Variants in HYKK observed in about 807,000 individuals in gnomAD.
HYKK encodes 5-hydroxy-L-lysine kinase.
HYKK carries 19 observed loss-of-function variants against 29.7 expected under a neutral mutation model. That is an observed-to-expected ratio of 0.64 (90% CI 0.45 to 0.94). The LOEUF (loss-of-function observed/expected upper bound fraction) is 0.94. Among genes scored for constraint, HYKK ranks in the 40% least tolerant of loss-of-function variants. The pLI is 0.00. For missense variants in HYKK, 390 were observed against 443.4 expected (o/e 0.88, Z 1.08); for synonymous variants, 152 against 158.1 (o/e 0.96, Z 0.29).
At chr15:78,533,091 G>A (rs1335785131) in intron 4 of HYKK, 119 bp from the exon 5 acceptor site, 2 of 643,296 alleles carry the variant, frequency 3.1e-6, no homozygotes, top group Non-Finnish European at 5.4e-6. Flanking sequence ...AGAAAAATAG[G>A]GCCTGGCCCT....
At chr15:78,509,960 A>G (rs2052054968) in intron 1 of HYKK, among the ~76,000 whole-genome samples, 1 of 152,188 alleles carries the variant, frequency 6.6e-6, no homozygotes, top group Middle Eastern at 3.2e-3. Flanking sequence ...CAAGCTATGC[A>G]AGTTAAGAGG....
intron 4 of HYKK, 98 bp downstream of exon 4, chr15:78,527,661 C>G (rs1478132957): frequency 6.7e-7 from 1 of 1,491,988 alleles, no homozygotes; most frequent in Non-Finnish European, 8.9e-7. Flanking sequence ...TTTATCAAAT[C>G]TTAAAATTTT....
intron 4 of HYKK, among the ~76,000 whole-genome samples, chr15:78,530,200 A>AT (rs60803012): frequency 1.2e-3 from 156 of 135,264 alleles, no homozygotes; most frequent in African/African-American, 4.1e-3. Context: ...TTATTTATTT[A>AT]TTTTTTTTTT....
chr15:78,527,816 A>C, intron 4 of HYKK: 1 of 1,014,610 alleles, frequency 9.9e-7, no homozygotes, highest in Non-Finnish European at 1.2e-6. Context: ...TGATTTATAA[A>C]TTATTTATAG....
chr15:78,507,740 G>A (rs1435737645), intron 1 of HYKK, 69 bp downstream of exon 1: 2 of 152,336 alleles, frequency 1.3e-5, no homozygotes, highest in Non-Finnish European at 2.9e-5. Flanking sequence ...TCGCCCCCGA[G>A]GGCAGGGAGG....
intron 3 of HYKK, 75 bp downstream of exon 3, chr15:78,515,182 A>G: frequency 8.6e-7 from 1 of 1,165,436 alleles, no homozygotes; most frequent in South Asian, 1.8e-5. Context: ...TAAAGTATGG[A>G]TCAGATTCTC....
intron 3 of HYKK, among the ~76,000 whole-genome samples, chr15:78,521,478 T>C (rs1256327169): frequency 6.6e-6 from 1 of 151,890 alleles, no homozygotes. Context: ...CCATTACTTT[T>C]AATTGCAACA....
intron 3 of HYKK, among the ~76,000 whole-genome samples, chr15:78,517,449 C>T (rs777644943): frequency 3.9e-5 from 6 of 151,996 alleles, no homozygotes; most frequent in Admixed American, 6.5e-5. Flanking sequence ...CATGGTGGTG[C>T]ACGCCTATAA....
Position 78,535,943 on chromosome 15 carries a change from C to G in HYKK, c.*2273C>G, listed in dbSNP as rs1181956713. On this transcript the variant is annotated 3_prime_UTR_variant, in exon 5 of 5. Transcript: ENST00000388988. ...TGTTGCCCAGGCTGGTCTCAAACCC[C>G]TGGACTCAAGCAATCCTCCTGCCTT... 1 of 152,238 alleles carries G rather than the reference C, an allele frequency of 6.6e-6. No individual in the cohort carries two copies. Among genetic ancestry groups the G allele is most frequent in the Non-Finnish European group, 1.5e-5 (1 of 68,078 alleles). 9.4% of individuals were successfully genotyped at this position (152,238 alleles called of 1,614,324 possible). A position where few individuals can be genotyped will look rare whatever the true frequency, so the allele number is the denominator to read the frequency against.
chr15:78,514,848 T>TG, intron 2 of HYKK, 120 bp from the exon 3 acceptor site: 1 of 374,012 alleles, frequency 2.7e-6, no homozygotes, highest in Non-Finnish European at 4.4e-6. Context: ...CAGTAATACT[T>TG]GCAGAGGCAG....
At chr15:78,517,982 A>G (rs2052153932) in intron 3 of HYKK, among the ~76,000 whole-genome samples, 1 of 152,192 alleles carries the variant, frequency 6.6e-6, no homozygotes, top group Non-Finnish European at 1.5e-5. Context: ...CAAGGGGGAC[A>G]TAATGCAGAT....
chr15:78,528,951 T>C, intron 4 of HYKK: 1 of 656,128 alleles, frequency 1.5e-6, no homozygotes, highest in Non-Finnish European at 1.9e-6. Flanking sequence ...AAACCTGTTT[T>C]TCCCCCAGTC....
chr15:78,522,785 A>G (rs1342821891), intron 3 of HYKK, among the ~76,000 whole-genome samples: 2 of 152,104 alleles, frequency 1.3e-5, no homozygotes, highest in East Asian at 3.9e-4. Context: ...AGGATGAGGC[A>G]TTAGAATCAG....
chr15:78,516,167 T>G (rs151284453), intron 3 of HYKK, among the ~76,000 whole-genome samples: 111 of 152,176 alleles, frequency 7.3e-4, no homozygotes, highest in African/African-American at 2.6e-3. Flanking sequence ...GACCCACCCA[T>G]AAAACATCTT....
At chr15:78,536,893 G>A (rs1455285210), downstream of HYKK, among the ~76,000 whole-genome samples, 1 of 152,196 alleles carries the variant, frequency 6.6e-6, no homozygotes, top group African/African-American at 2.4e-5. Flanking sequence ...AATCTGTTGA[G>A]GGCCTGGATA....
At chr15:78,515,182 A>T in intron 3 of HYKK, 75 bp downstream of exon 3, 1 of 1,165,436 alleles carries the variant, frequency 8.6e-7, no homozygotes, top group Non-Finnish European at 1.2e-6. Context: ...TAAAGTATGG[A>T]TCAGATTCTC....
intron 4 of HYKK, among the ~76,000 whole-genome samples, chr15:78,531,193 G>A (rs1324612739): frequency 6.6e-6 from 1 of 152,082 alleles, no homozygotes; most frequent in Non-Finnish European, 1.5e-5. Context: ...AATTTAAATA[G>A]CCACATATGT....
intron 4 of HYKK, chr15:78,528,317 C>T (rs2052278390): frequency 2.0e-6 from 1 of 508,588 alleles, no homozygotes; most frequent in Non-Finnish European, 2.5e-6. Flanking sequence ...ACAGTTTTAT[C>T]CCAAAACCAT....
chr15:78,520,014 A>G (rs1284273579), intron 3 of HYKK, among the ~76,000 whole-genome samples: 1 of 152,210 alleles, frequency 6.6e-6, no homozygotes, highest in African/African-American at 2.4e-5. Context: ...ATAGCACCAC[A>G]TCATTGCTGA....
Sources: allele counts gnomAD v4.1 joint callset (sites outside exome capture counted in the v4.1 genomes callset), GRCh38; gene constraint gnomAD v4.1.1; transcripts MANE v1.5; gene names NCBI Gene and HGNC (gene_info 2026-07-23, HGNC 2026-07-21).